The following KIF26B variants were observed in gnomAD, a reference collection of about 807,000 sequenced individuals.
KIF26B encodes kinesin-like protein KIF26B.
A neutral mutation model predicts 151.2 loss-of-function variants in KIF26B; 63 were observed. The ratio of observed to expected loss-of-function variants is 0.42; its 90% CI spans 0.34 to 0.51. The LOEUF (loss-of-function observed/expected upper bound fraction) is 0.51. KIF26B is among the 20% of genes least tolerant of loss of function. The probability of loss-of-function intolerance (pLI) is 0.07; values close to 1 mark genes in which losing one functional copy is unlikely to be tolerated. For missense variants in KIF26B, 2,813 were observed against 2,913.6 expected (o/e 0.97, Z 0.79); for synonymous variants, 1,357 against 1,262.1 (o/e 1.08, Z -1.59).
rs190644674 is a variant in KIF26B, at chr1:245,383,842, A to G, written c.999+16475A>G. Among the ~76,000 whole-genome samples the G allele has an allele frequency of 5.3e-5, 8 of 152,334 alleles. No homozygotes were observed. The East Asian group carries it at 1.5e-3, about 29-fold the overall frequency. ...TGTCATTTAGAGGCTTTATTCTTCT[A>G]GAAAAAGGGCTGCCCATCTGCTCTC... On this transcript the variant is annotated intron_variant, in intron 3 of 14. Transcript: ENST00000407071.
chr1:245,281,281 T>G (rs1472304804), intron 2 of KIF26B, among the ~76,000 whole-genome samples: 1 of 77,574 alleles, frequency 1.3e-5, no homozygotes, highest in Non-Finnish European at 2.4e-5. Context: ...TTCCTGACTT[T>G]TTAATGATTG....
At chr1:245,692,447 G>A (rs1450969005) in intron 12 of KIF26B, among the ~76,000 whole-genome samples, 3 of 152,118 alleles carry the variant, frequency 2.0e-5, no homozygotes, top group Non-Finnish European at 4.4e-5. Context: ...GGTCCGGGAG[G>A]GTGCTTACAT....
chr1:245,258,904 G>T (rs916993098), intron 2 of KIF26B, among the ~76,000 whole-genome samples: 1 of 152,208 alleles, frequency 6.6e-6, no homozygotes, highest in Non-Finnish European at 1.5e-5. Context: ...TGAGCCCTCT[G>T]CAGTGTGTGG....
intron 10 of KIF26B, 151 bp from the exon 11 acceptor site, chr1:245,684,082 T>C: frequency 1.3e-6 from 1 of 763,786 alleles, no homozygotes; most frequent in Non-Finnish European, 2.1e-6. Flanking sequence ...AATAGCCCCA[T>C]GCTGGAAAAT....
chr1:245,156,451 C>A lies in KIF26B; in HGVS notation c.233C>A (p.Pro78Gln). 2 of 1,526,750 alleles carry A rather than the reference C, an allele frequency of 1.3e-6. No individual in the cohort carries two copies. The highest frequency in any genetic ancestry group is 1.8e-6 in the Non-Finnish European group (2 of 1,140,744). 94.6% of individuals were successfully genotyped at this position (1,526,750 alleles called of 1,614,324 possible). A position where few individuals can be genotyped will look rare whatever the true frequency, so the allele number is the denominator to read the frequency against. The stretch of plus-strand genomic sequence containing the variant: ...TCTCCCGGCTCGGGCACCTCGTCCC[C>A]GAGCTCGTTCACCGGCTCCCCGGGA... ...TPSPGSGTSS[P>Q]SSFTGSPGPA... is the part of the protein sequence containing the mutation. Residue 78 changes from proline to glutamine, a missense_variant, in exon 2 of 15, where the codon CCG becomes CAG. Pro to Gln is a moderately conservative substitution (Grantham distance 76). Transcript: ENST00000407071.
intron 3 of KIF26B, among the ~76,000 whole-genome samples, chr1:245,372,152 G>A (rs1673144228): frequency 6.6e-6 from 1 of 152,140 alleles, no homozygotes; most frequent in African/African-American, 2.4e-5. Context: ...CCCTGTCAGA[G>A]CAGCAGTGCC....
intron 2 of KIF26B, among the ~76,000 whole-genome samples, chr1:245,357,631 T>C (rs1232689593): frequency 6.6e-6 from 1 of 152,174 alleles, no homozygotes; most frequent in Non-Finnish European, 1.5e-5. Context: ...ATTATAATAC[T>C]GCACATATCC....
intron 2 of KIF26B, among the ~76,000 whole-genome samples, chr1:245,191,899 T>C (rs1669117368): frequency 6.6e-6 from 1 of 152,170 alleles, no homozygotes; most frequent in African/African-American, 2.4e-5. Flanking sequence ...TAAGCTACCA[T>C]TTTTGATGCA....
Position 245,274,206 on chromosome 1 carries a change from A to G in KIF26B, c.466-92628A>G, listed in dbSNP as rs191491441. On this transcript the variant is annotated intron_variant, in intron 2 of 14. Coordinates refer to ENST00000407071, the MANE Select transcript of KIF26B (RefSeq NM_018012.4). The stretch of plus-strand genomic sequence containing the variant: ...TTGTGTATCCATTAACATATTTTAC[A>G]TAATTATTTTTTATACTTTTGTCTT... Among the ~76,000 whole-genome samples the G allele has an allele frequency of 3.9e-3, 590 of 152,188 alleles. 2 individuals are homozygous for G. The highest frequency in any genetic ancestry group is 6.7e-3 in the Non-Finnish European group (456 of 68,004).
chr1:245,693,565 G>A (rs562728958), intron 12 of KIF26B, among the ~76,000 whole-genome samples: 39 of 152,208 alleles, frequency 2.6e-4, no homozygotes, highest in Non-Finnish European at 4.0e-4. Flanking sequence ...CATTCTAAGC[G>A]CCAGACCCTG....
chr1:245,421,498 C>T (rs976672588), intron 4 of KIF26B, among the ~76,000 whole-genome samples: 3 of 152,072 alleles, frequency 2.0e-5, no homozygotes, highest in African/African-American at 7.2e-5. Context: ...AGATTTGTGT[C>T]CCTAAGGGAG....
At position 245,709,382 on chromosome 1, in the gene KIF26B, G is replaced by A. The variant is rs2147977832; in HGVS notation, c.*6776G>A. ...AAATGTTGTCAAAAAAGAATCTGGT[G>A]TTTAAAAAAAAATCAAACTATGGTG... On this transcript the variant is annotated 3_prime_UTR_variant, in exon 15 of 15. Transcript: ENST00000407071. 1 of 152,186 alleles carries A rather than the reference G, an allele frequency of 6.6e-6. No homozygotes were observed. Among genetic ancestry groups the A allele is most frequent in the African/African-American group, 2.4e-5 (1 of 41,538 alleles). 9.4% of individuals were successfully genotyped at this position (152,186 alleles called of 1,614,324 possible).
chr1:245,298,271 T>C (rs889569543), intron 2 of KIF26B, among the ~76,000 whole-genome samples: 2 of 152,204 alleles, frequency 1.3e-5, no homozygotes, highest in Non-Finnish European at 2.9e-5. Context: ...CTAGAGTCCA[T>C]TGATGGATGA....
At chr1:245,590,018 C>G (rs1040446682) in intron 5 of KIF26B, among the ~76,000 whole-genome samples, 1 of 152,258 alleles carries the variant, frequency 6.6e-6, no homozygotes, top group East Asian at 1.9e-4. Flanking sequence ...GACGCAGCAT[C>G]TCTTGACTGT....
chr1:245,195,308 T>TG (rs1669171360), intron 2 of KIF26B, among the ~76,000 whole-genome samples: 1 of 152,210 alleles, frequency 6.6e-6, no homozygotes, highest in Non-Finnish European at 1.5e-5. Context: ...GCACTGACTT[T>TG]GGGGAGTCGT....
At chr1:245,287,529 G>C (rs1671186510) in intron 2 of KIF26B, among the ~76,000 whole-genome samples, 2 of 136,722 alleles carry the variant, frequency 1.5e-5, no homozygotes, top group African/African-American at 2.8e-5. Flanking sequence ...CTGTGGCGGA[G>C]TTTCGCTCTT....
At chr1:245,380,896 C>A (rs1290264364) in intron 3 of KIF26B, among the ~76,000 whole-genome samples, 3 of 148,710 alleles carry the variant, frequency 2.0e-5, no homozygotes, top group Non-Finnish European at 4.4e-5. Flanking sequence ...TATCTCCTCC[C>A]TGGGAGGTGG....
chr1:245,251,994 T>TTGGCC (rs1456471591), intron 2 of KIF26B, among the ~76,000 whole-genome samples: 1 of 152,138 alleles, frequency 6.6e-6, no homozygotes, highest in African/African-American at 2.4e-5. Context: ...TGGTCTTGGC[T>TTGGCC]TGGCCTGGTG....
At chr1:245,657,407 C>G (rs1387042980) in intron 10 of KIF26B, among the ~76,000 whole-genome samples, 1 of 152,196 alleles carries the variant, frequency 6.6e-6, no homozygotes, top group Admixed American at 6.5e-5. Flanking sequence ...GGGCACCTGC[C>G]ATATCCACTG....
Sources: gnomAD v4.1 joint callset for allele counts (sites outside exome capture counted in the v4.1 genomes callset) on GRCh38, gnomAD v4.1.1 for gene constraint, MANE v1.5 for transcripts, NCBI Gene and HGNC (gene_info 2026-07-23, HGNC 2026-07-21) for gene names.